The following ENPP2 variants were observed in gnomAD, a reference collection of about 807,000 sequenced individuals.
ENPP2 encodes ectonucleotide pyrophosphatase/phosphodiesterase 2, also known as autotaxin.
In ENPP2, 51 loss-of-function variants were observed where a neutral mutation model predicts 120.2. The observed-to-expected ratio is 0.42, with a 90% CI of 0.34 to 0.54. ENPP2 has a LOEUF of 0.54. Ranked by LOEUF, ENPP2 falls within the 20% of genes least tolerant of loss-of-function variation. The pLI is 0.04. For missense variants in ENPP2, 920 were observed against 1,066.5 expected, an observed-to-expected ratio of 0.86 and a Z score of 1.91; for synonymous variants, 365 against 366.4, an observed-to-expected ratio of 1.00 and a Z score of 0.04.
At chr8:119,605,465 T>TGTGTGTGC (rs1434195692) in intron 9 of ENPP2, among the ~76,000 whole-genome samples, 6 of 146,278 alleles carry the variant, frequency 4.1e-5, no homozygotes, top group Non-Finnish European at 7.4e-5. Context: ...TGTGTGTGTG[T>TGTGTGTGC]ATTTTTTTTT....
chr8:119,573,809 A>T (rs1812141993), intron 19 of ENPP2, among the ~76,000 whole-genome samples: 1 of 148,086 alleles, frequency 6.8e-6, no homozygotes, highest in African/African-American at 2.5e-5. Context: ...ACTCTGTCTC[A>T]GAAAAAAAAG....
intron 11 of ENPP2, among the ~76,000 whole-genome samples, chr8:119,600,044 A>G (rs946191571): frequency 6.6e-6 from 1 of 151,522 alleles, no homozygotes; most frequent in African/African-American, 2.4e-5. Context: ...CTGCTCTGCT[A>G]AGCAGATTCA....
At chr8:119,664,330 T>C (rs1174263781) in intron 1 of ENPP2, among the ~76,000 whole-genome samples, 1 of 152,198 alleles carries the variant, frequency 6.6e-6, no homozygotes, top group African/African-American at 2.4e-5. Flanking sequence ...TTCCAAGCTG[T>C]GCAGCCTTGA....
intron 5 of ENPP2, 66 bp downstream of exon 5, chr8:119,619,173 CTCTTT>C (rs1815700573): frequency 1.8e-6 from 2 of 1,120,356 alleles, no homozygotes; most frequent in African/African-American, 1.5e-5. Flanking sequence ...CTAAATACTT[CTCTTT>C]TCATTTCCTG....
upstream of ENPP2, among the ~76,000 whole-genome samples, chr8:119,640,343 G>T (rs868306061): frequency 2.1e-4 from 32 of 152,238 alleles, no homozygotes; most frequent in African/African-American, 7.2e-4. Flanking sequence ...CTCCATGAAA[G>T]ATTTTCCTAT....
intron 8 of ENPP2, among the ~76,000 whole-genome samples, chr8:119,615,946 T>C (rs1815425737): frequency 1.3e-5 from 2 of 152,080 alleles, no homozygotes; most frequent in Non-Finnish European, 2.9e-5. Flanking sequence ...TGCATGCATA[T>C]ATACACACAG....
intron 9 of ENPP2, among the ~76,000 whole-genome samples, chr8:119,605,522 A>G (rs2130611090): frequency 6.7e-6 from 1 of 149,202 alleles, no homozygotes; most frequent in South Asian, 2.1e-4. Flanking sequence ...GTGCAATGGC[A>G]TGATCTCAGC....
intron 6 of ENPP2, 100 bp from the exon 7 acceptor site, chr8:119,617,343 T>TG: frequency 8.6e-7 from 1 of 1,166,158 alleles, no homozygotes; most frequent in Non-Finnish European, 1.3e-6. Context: ...CCTTCACTTC[T>TG]GTATTTCAAA....
chr8:119,616,680 T>C (rs1214022651), intron 7 of ENPP2, among the ~76,000 whole-genome samples: 1 of 152,156 alleles, frequency 6.6e-6, no homozygotes, highest in Non-Finnish European at 1.5e-5. Context: ...AAATTAACCT[T>C]TAGTTTGGAA....
At chr8:119,602,690 G>T (rs1298479414) in intron 9 of ENPP2, among the ~76,000 whole-genome samples, 2 of 151,628 alleles carry the variant, frequency 1.3e-5, no homozygotes, top group Non-Finnish European at 2.9e-5. Flanking sequence ...TCTTTAGTCA[G>T]GGGAAATTCA....
rs1421980013 is a variant in ENPP2, at chr8:119,590,615, G to A, written c.1097C>T (p.Thr366Ile). 3.2e-6 allele frequency: 5 copies of A among 1,557,410 alleles called. No individual in the cohort carries two copies. The highest frequency in any genetic ancestry group is 4.3e-6 in the Non-Finnish European group (5 of 1,151,206). ...ACTCAAGAACTCAGTTCTATCACAT[G>A]TGACATCTTCCATTCCTATGGGGAG... ...FVGDHGMEDVTCDRTEFLSNY... is the reference protein window; with the variant it reads ...FVGDHGMEDVICDRTEFLSNY... The change falls in exon 13 of 25, where the codon ACA (threonine) becomes ATA (isoleucine). Residue 366 changes from threonine to isoleucine, a missense_variant. By Grantham distance (89) the Thr-to-Ile change is moderately conservative. Coordinates refer to ENST00000075322, the MANE Select transcript of ENPP2 (RefSeq NM_001040092.3).
chr8:119,624,816 C>A (rs750063958), intron 3 of ENPP2, among the ~76,000 whole-genome samples: 35 of 152,142 alleles, frequency 2.3e-4, no homozygotes, highest in Non-Finnish European at 1.0e-4. Context: ...ATCAAAGTTT[C>A]GCTGAAACAT....
chr8:119,651,947 A>G (rs1817638944), intron 1 of ENPP2, among the ~76,000 whole-genome samples: 2 of 152,242 alleles, frequency 1.3e-5, no homozygotes, highest in African/African-American at 4.8e-5. Flanking sequence ...TGTGTCAAGT[A>G]CCGCTTGATA....
At chr8:119,591,527 T>C (rs963010419) in intron 12 of ENPP2, among the ~76,000 whole-genome samples, 2 of 152,212 alleles carry the variant, frequency 1.3e-5, no homozygotes, top group Non-Finnish European at 2.9e-5. Flanking sequence ...CGTTTTAATA[T>C]ATTGCTCAGT....
chr8:119,593,053 G>A, intron 12 of ENPP2: 2 of 588,112 alleles, frequency 3.4e-6, no homozygotes, highest in Non-Finnish European at 4.3e-6. Flanking sequence ...ATACCCTTTA[G>A]AACTCAGTCT....
intron 19 of ENPP2, among the ~76,000 whole-genome samples, chr8:119,577,643 G>C (rs1812432755): frequency 6.6e-6 from 1 of 152,224 alleles, no homozygotes; most frequent in Non-Finnish European, 1.5e-5. Context: ...GTCATTAAAT[G>C]TTGGTGCCAC....
Position 119,580,144 on chromosome 8 carries a change from T to C in ENPP2, c.1752A>G (p.Lys584=). Residue 584 remains lysine (K), a synonymous_variant, in exon 19 of 25, where the codon AAA becomes AAG. Transcript: ENST00000075322. ...EPKNKLDELN[K]RLHTKGSTEE... is the part of the protein sequence containing the mutation. ...CTGTAGACCCTTTTGTATGAAGCCG[T>C]TTGTTGAGTTCATCCAACTTGTTCT... The C allele has an allele frequency of 6.2e-7, 1 of 1,613,458 alleles. No homozygotes were observed. The highest frequency in any genetic ancestry group is 8.5e-7 in the Non-Finnish European group (1 of 1,179,372).
chr8:119,612,837 C>T (rs576569920), intron 8 of ENPP2, among the ~76,000 whole-genome samples: 2 of 152,188 alleles, frequency 1.3e-5, no homozygotes, highest in East Asian at 1.9e-4. Context: ...CTGCAGTGAG[C>T]CAAAATCATG....
upstream of ENPP2, among the ~76,000 whole-genome samples, chr8:119,641,558 A>G (rs915943714): frequency 6.6e-6 from 1 of 152,240 alleles, no homozygotes; most frequent in African/African-American, 2.4e-5. Context: ...TATTTCAGAG[A>G]ACACTGCCCC....
Sources: gnomAD v4.1 joint callset for allele counts (sites outside exome capture counted in the v4.1 genomes callset) on GRCh38, gnomAD v4.1.1 for gene constraint, MANE v1.5 for transcripts, NCBI Gene and HGNC (gene_info 2026-07-23, HGNC 2026-07-21) for gene names.